The following CTNNA2 variants were observed in gnomAD, a reference collection of about 807,000 sequenced individuals.
CTNNA2 encodes catenin alpha-2.
CTNNA2 carries 42 observed loss-of-function variants against 101.0 expected under a neutral mutation model. The ratio of observed to expected loss-of-function variants is 0.42; its 90% CI spans 0.32 to 0.54. The LOEUF is 0.54. CTNNA2 is among the 20% of genes least tolerant of loss of function. CTNNA2 has a pLI of 0.14. For synonymous variants in CTNNA2, 450 were observed against 456.4 expected, an observed-to-expected ratio of 0.99 and a Z score of 0.18; for missense variants, 871 against 1,223.1, an observed-to-expected ratio of 0.71 and a Z score of 4.29.
At chr2:80,441,171 G>A (rs1011155592) in intron 9 of CTNNA2, among the ~76,000 whole-genome samples, 1 of 152,200 alleles carries the variant, frequency 6.6e-6, no homozygotes, top group Non-Finnish European at 1.5e-5. Flanking sequence ...GGTGGAAGGA[G>A]AAAGAGCCAG....
Position 79,591,872 on chromosome 2 carries a change from T to G in CTNNA2, c.-5-59680T>G, listed in dbSNP as rs531925390. Among the ~76,000 whole-genome samples, 4 of 151,740 alleles carry G rather than the reference T, an allele frequency of 2.6e-5. No individual in the cohort carries two copies. The East Asian group carries it at 7.8e-4, about 30-fold the overall frequency. Reference sequence around the variant, plus strand: ...GCACCTGATTTGTTATTTTGGAAGCTGTTTTATTTTATCGGTTGTTTCTTT... The same window carrying G: ...GCACCTGATTTGTTATTTTGGAAGCGGTTTTATTTTATCGGTTGTTTCTTT... On this transcript the variant is annotated intron_variant, in intron 1 of 18. Coordinates refer to ENST00000402739, the MANE Select transcript of CTNNA2 (RefSeq NM_001282597.3).
intron 7 of CTNNA2, among the ~76,000 whole-genome samples, chr2:80,012,758 A>G (rs797007359): frequency 4.6e-5 from 7 of 152,292 alleles, no homozygotes; most frequent in African/African-American, 1.7e-4. Context: ...TTAAACTCCA[A>G]TTTAGTCTTT....
chr2:80,261,523 C>T (rs1164469446), intron 7 of CTNNA2, among the ~76,000 whole-genome samples: 2 of 151,982 alleles, frequency 1.3e-5, no homozygotes, highest in African/African-American at 4.8e-5. Flanking sequence ...ATAGGAGAGG[C>T]GGGTTTCACT....
intron 3 of CTNNA2, 72 bp from the exon 4 acceptor site, chr2:79,857,941 T>C: frequency 6.8e-7 from 1 of 1,468,664 alleles, no homozygotes. Flanking sequence ...AATTGTCCAT[T>C]CACAGATCTT....
At chr2:80,290,395 C>T (rs141354642) in intron 7 of CTNNA2, among the ~76,000 whole-genome samples, 13 of 152,130 alleles carry the variant, frequency 8.5e-5, no homozygotes, top group African/African-American at 2.9e-4. Flanking sequence ...TCATTTCTTC[C>T]CCAGTGATTA....
At chr2:80,061,017 C>T (rs372731884) in intron 7 of CTNNA2, among the ~76,000 whole-genome samples, 3 of 152,240 alleles carry the variant, frequency 2.0e-5, no homozygotes, top group South Asian at 4.1e-4. Context: ...ATTTCAACTG[C>T]ACCACATCCT....
chr2:79,745,321 C>G (rs1007107034), intron 3 of CTNNA2, among the ~76,000 whole-genome samples: 2 of 151,918 alleles, frequency 1.3e-5, no homozygotes, highest in Non-Finnish European at 2.9e-5. Flanking sequence ...GTCCCAGCCA[C>G]TCAGGGGGCT....
At chr2:79,247,464 T>C (rs1231621086) in intron 2 of CTNNA2, among the ~76,000 whole-genome samples, 2 of 152,216 alleles carry the variant, frequency 1.3e-5, no homozygotes, top group Non-Finnish European at 2.9e-5. Flanking sequence ...TTTGGAGCAT[T>C]GCAATTAGTT....
chr2:79,209,895 A>G (rs1331241222), intron 2 of CTNNA2, among the ~76,000 whole-genome samples: 1 of 151,436 alleles, frequency 6.6e-6, no homozygotes, highest in Admixed American at 6.6e-5. Flanking sequence ...AAAATGCCCT[A>G]CCTAGCTGCA....
intron 7 of CTNNA2, among the ~76,000 whole-genome samples, chr2:80,072,131 C>T (rs1422907221): frequency 5.9e-5 from 9 of 152,198 alleles, no homozygotes; most frequent in Admixed American, 5.2e-4. Context: ...ATAGTGTCAA[C>T]TCTTAGCCTG....
At position 80,648,653 on chromosome 2, in the gene CTNNA2, T is replaced by G. The variant is rs961732973; in HGVS notation, c.*781T>G. 6.6e-6 allele frequency: 1 copy of G among 151,300 alleles called. No individual in the cohort carries two copies. Among genetic ancestry groups the G allele is most frequent in the African/African-American group, 2.4e-5 (1 of 41,202 alleles). The allele number at this position is 151,300 out of a possible 1,614,324, so 9.4% of individuals were successfully genotyped here. Reference sequence around the variant, plus strand: ...AGAAATAGAAGGCCCAGTGGTGGAATATTAGAGGGAAGGAAACTGACAACG... The same window carrying G: ...AGAAATAGAAGGCCCAGTGGTGGAAGATTAGAGGGAAGGAAACTGACAACG... On this transcript the variant is annotated 3_prime_UTR_variant, in exon 19 of 19. Transcript: ENST00000402739.
chr2:80,530,668 G>T (rs773453347), intron 9 of CTNNA2, among the ~76,000 whole-genome samples: 12 of 152,144 alleles, frequency 7.9e-5, no homozygotes, highest in Non-Finnish European at 1.2e-4. Context: ...GTGGGAGGAG[G>T]ATTTGAGAGT....
At chr2:80,072,335 G>A (rs948379393) in intron 7 of CTNNA2, among the ~76,000 whole-genome samples, 2 of 148,062 alleles carry the variant, frequency 1.4e-5, no homozygotes, top group Admixed American at 6.8e-5. Context: ...CAGTATGTCC[G>A]CTGCCAAAAG....
chr2:79,972,459 A>G (rs1187068333), intron 7 of CTNNA2, among the ~76,000 whole-genome samples: 1 of 152,140 alleles, frequency 6.6e-6, no homozygotes, highest in Non-Finnish European at 1.5e-5. Context: ...CCAAAATAGT[A>G]TTTTATTCTA....
intron 3 of CTNNA2, among the ~76,000 whole-genome samples, chr2:79,774,722 A>G (rs1171931892): frequency 6.6e-6 from 1 of 152,108 alleles, no homozygotes; most frequent in East Asian, 1.9e-4. Context: ...TGGTAAGATT[A>G]TTTTTTGAAA....
chr2:80,294,692 C>G (rs559114119), intron 7 of CTNNA2, among the ~76,000 whole-genome samples: 14 of 152,148 alleles, frequency 9.2e-5, no homozygotes, highest in Middle Eastern at 3.4e-3. Context: ...ACACCCCAGA[C>G]CAGTTAACTC....
intron 4 of CTNNA2, among the ~76,000 whole-genome samples, chr2:79,453,274 T>C (rs1163413994): frequency 6.6e-6 from 1 of 152,178 alleles, no homozygotes; most frequent in Non-Finnish European, 1.5e-5. Flanking sequence ...AGCATTCAAA[T>C]AAGTTCAGCT....
At chr2:79,292,001 G>A (rs1052562456) in intron 2 of CTNNA2, among the ~76,000 whole-genome samples, 2 of 151,924 alleles carry the variant, frequency 1.3e-5, no homozygotes, top group African/African-American at 4.8e-5. Context: ...CAGGGCTTTT[G>A]GGGGGTAGAG....
chr2:79,381,975 T>C (rs1377540150), intron 4 of CTNNA2, among the ~76,000 whole-genome samples: 1 of 152,218 alleles, frequency 6.6e-6, no homozygotes. Context: ...CTTAGATAGC[T>C]GATAAAACAT....
Sources: gnomAD v4.1 joint callset for allele counts (sites outside exome capture counted in the v4.1 genomes callset) on GRCh38, gnomAD v4.1.1 for gene constraint, MANE v1.5 for transcripts, NCBI Gene and HGNC (gene_info 2026-07-23, HGNC 2026-07-21) for gene names.